Variants in TTC39B observed in about 807,000 individuals in gnomAD.
TTC39B encodes tetratricopeptide repeat domain 39B.
In TTC39B, 92 loss-of-function variants were observed where a neutral mutation model predicts 96.6. That is an observed-to-expected ratio of 0.95 (90% CI 0.80 to 1.13). The LOEUF (loss-of-function observed/expected upper bound fraction) is 1.13. Among genes scored for constraint, TTC39B ranks in the 50% most tolerant of loss-of-function variants. The pLI, the probability that TTC39B is intolerant of heterozygous loss-of-function variation, is 0.00. For missense variants in TTC39B, 955 were observed against 809.3 expected (o/e 1.18, Z -2.18); for synonymous variants, 367 against 299.4 (o/e 1.23, Z -2.33).
chr9:15,296,084 G>A (rs534636414), intron 1 of TTC39B, among the ~76,000 whole-genome samples: 2 of 152,198 alleles, frequency 1.3e-5, no homozygotes, highest in Admixed American at 6.5e-5. Context: ...TGTGACTCAT[G>A]GTTGTCCAGA....
chr9:15,203,993 C>A, intron 6 of TTC39B, 103 bp from the exon 7 acceptor site: 1 of 1,005,800 alleles, frequency 9.9e-7, no homozygotes, highest in Non-Finnish European at 1.4e-6. Context: ...CCAAGAGAGA[C>A]CCCAAAACTT....
At chr9:15,184,259 G>A (rs548110318) in intron 16 of TTC39B, among the ~76,000 whole-genome samples, 1 of 152,070 alleles carries the variant, frequency 6.6e-6, no homozygotes, top group South Asian at 2.1e-4. Context: ...AATATTAAAT[G>A]TATATATTCC....
chr9:15,168,811 CAATAAAATAATATT>C (rs112223091), exon 20 of TTC39B: 121,098 of 151,596 alleles, frequency 0.8, 48,827 homozygotes, highest in East Asian at 0.96. Context: ...GACTCTGTCT[CAATAAAATAATATT>C]AAATTAAAAT....
rs539598719 is a variant in TTC39B, at chr9:15,180,612, G to C, written c.1723+1695C>G. Among the ~76,000 whole-genome samples, 16 of 152,276 alleles carry C rather than the reference G, an allele frequency of 1.1e-4. No homozygotes were observed. In the South Asian group the frequency reaches 3.3e-3, roughly 32 times the overall value. ...CCAGTTTCCAATAATGGGGGTGGGG[G>C]ATGGGGTGGAAGATGATGTAACCTC... On this transcript the variant is annotated intron_variant, in intron 17 of 19. Transcript: ENST00000512701.
chr9:15,167,734 A>T (rs1464931690), exon 20 of TTC39B: 1 of 152,242 alleles, frequency 6.6e-6, no homozygotes, highest in East Asian at 1.9e-4. Flanking sequence ...CCTGGGCAAC[A>T]AGAGCGAAAC....
At chr9:15,302,153 T>C (rs867963776) in intron 1 of TTC39B, among the ~76,000 whole-genome samples, 3 of 150,774 alleles carry the variant, frequency 2.0e-5, no homozygotes, top group Admixed American at 6.6e-5. Flanking sequence ...TGAAACCCCA[T>C]CTCTACTGAA....
chr9:15,304,805 T>TG (rs1263723610), intron 1 of TTC39B, among the ~76,000 whole-genome samples: 1 of 152,156 alleles, frequency 6.6e-6, no homozygotes, highest in Non-Finnish European at 1.5e-5. Flanking sequence ...TCAACAGTCA[T>TG]GGGAAGGACC....
rs766029199 is a variant in TTC39B, at chr9:15,306,248, G to A, written c.240+836C>T. Among the ~76,000 whole-genome samples the A allele has an allele frequency of 1.5e-4, 23 of 152,230 alleles. No individual in the cohort carries two copies. The highest frequency in any genetic ancestry group is 2.8e-4 in the Non-Finnish European group (19 of 68,046). On this transcript the variant is annotated intron_variant, in intron 1 of 19. Coordinates refer to ENST00000512701, the Ensembl canonical transcript of TTC39B. The surrounding 1 kb of genome is among the most constrained non-coding windows in gnomAD (Gnocchi z 5.1). ...TCGGTCTCAACTTCAAGAGCAGGGA[G>A]AGCGCTGTCTCTGGAGTTGCCAGGT...
chr9:15,187,031 G>T, exon 15 of TTC39B: 1 of 1,610,088 alleles, frequency 6.2e-7, no homozygotes, highest in Non-Finnish European at 8.5e-7. Flanking sequence ...GAACACATAA[G>T]TTGCCTTGAG....
At chr9:15,206,752 T>C (rs1458815113) in intron 6 of TTC39B, among the ~76,000 whole-genome samples, 1 of 152,190 alleles carries the variant, frequency 6.6e-6, no homozygotes, top group East Asian at 1.9e-4. Flanking sequence ...TAGTTTATTT[T>C]TTTTATTTAT....
intron 2 of TTC39B, among the ~76,000 whole-genome samples, chr9:15,264,313 G>A (rs1823044505): frequency 6.6e-6 from 1 of 152,078 alleles, no homozygotes; most frequent in Non-Finnish European, 1.5e-5. Context: ...CAGGATTTTT[G>A]CTAAATTAAA....
chr9:15,239,776 G>A (rs540409574), intron 2 of TTC39B, among the ~76,000 whole-genome samples: 1 of 152,316 alleles, frequency 6.6e-6, no homozygotes, highest in Non-Finnish European at 1.5e-5. Flanking sequence ...GGAGGATGGA[G>A]GTGAAGGTTG....
At chr9:15,296,312 C>G (rs1321829105) in intron 1 of TTC39B, among the ~76,000 whole-genome samples, 1 of 152,194 alleles carries the variant, frequency 6.6e-6, no homozygotes, top group East Asian at 1.9e-4. Flanking sequence ...TCCTTAACCA[C>G]CCACTGCATT....
intron 2 of TTC39B, among the ~76,000 whole-genome samples, chr9:15,238,953 T>A (rs1821912219): frequency 6.6e-6 from 1 of 152,166 alleles, no homozygotes; most frequent in African/African-American, 2.4e-5. Context: ...ACCACTGCAC[T>A]CAGCCCAGGT....
chr9:15,276,752 C>T (rs1823558781), intron 1 of TTC39B, among the ~76,000 whole-genome samples: 1 of 152,178 alleles, frequency 6.6e-6, no homozygotes, highest in Admixed American at 6.5e-5. Flanking sequence ...CTAGGTGAGT[C>T]CAGCCTTTCA....
intron 2 of TTC39B, among the ~76,000 whole-genome samples, chr9:15,266,684 C>A (rs918947554): frequency 3.9e-5 from 6 of 152,108 alleles, no homozygotes; most frequent in Non-Finnish European, 8.8e-5. Flanking sequence ...AAGCCCAAAC[C>A]CCCAATGTGA....
chr9:15,175,120 C>A, exon 19 of TTC39B: 1 of 1,611,984 alleles, frequency 6.2e-7, no homozygotes, highest in South Asian at 1.1e-5. Context: ...AGTGGTCATA[C>A]TTCAGTAGCT....
At chr9:15,211,563 C>T (rs1820202408) in intron 4 of TTC39B, among the ~76,000 whole-genome samples, 166 bp from the exon 5 acceptor site, 1 of 152,086 alleles carries the variant, frequency 6.6e-6, no homozygotes, top group South Asian at 2.1e-4. Context: ...ACTCAAGTAC[C>T]AAGGACTTTC....
chr9:15,258,917 C>T (rs1822850612), intron 2 of TTC39B, among the ~76,000 whole-genome samples: 1 of 152,280 alleles, frequency 6.6e-6, no homozygotes, highest in Non-Finnish European at 1.5e-5. Flanking sequence ...GGATCTATAT[C>T]TTAAAACGTG....
Sources: gnomAD v4.1 joint callset for allele counts (sites outside exome capture counted in the v4.1 genomes callset) on GRCh38, gnomAD v4.1.1 for gene constraint, Gnocchi (gnomAD v3.1) non-coding constraint, MANE v1.5 for transcripts, NCBI Gene and HGNC (gene_info 2026-07-23, HGNC 2026-07-21) for gene names.